Variants in ZDHHC21 observed in about 807,000 individuals in gnomAD.
ZDHHC21 encodes the protein zDHHC palmitoyltransferase 21.
ZDHHC21 carries 15 observed loss-of-function variants against 34.6 expected under a neutral mutation model. The observed-to-expected ratio is 0.43, with a 90% CI of 0.29 to 0.67. The LOEUF is 0.67. ZDHHC21 is among the 30% of genes least tolerant of loss of function. The pLI is 0.14. For missense variants in ZDHHC21, 344 were observed against 327.7 expected, an observed-to-expected ratio of 1.05 and a Z score of -0.38; for synonymous variants, 142 against 101.8, an observed-to-expected ratio of 1.40 and a Z score of -2.38.
downstream of ZDHHC21, among the ~76,000 whole-genome samples, chr9:14,608,168 A>G (rs1823078802): frequency 6.6e-6 from 1 of 152,196 alleles, no homozygotes; most frequent in South Asian, 2.1e-4. Context: ...AAGCTTACAC[A>G]AGTTATAAAA....
At chr9:14,652,984 TACAGCTTTTGC>T (rs1193566197) in intron 7 of ZDHHC21, among the ~76,000 whole-genome samples, 1 of 152,014 alleles carries the variant, frequency 6.6e-6, no homozygotes, top group East Asian at 1.9e-4. Context: ...AAATGCAGAC[TACAGCTTTTGC>T]TTCAGTCTGG....
At chr9:14,658,034 C>A (rs1832586843) in intron 7 of ZDHHC21, among the ~76,000 whole-genome samples, 1 of 152,118 alleles carries the variant, frequency 6.6e-6, no homozygotes, top group Admixed American at 6.5e-5. Flanking sequence ...CCTGCAAATT[C>A]ATGATATCAT....
chr9:14,691,463 C>G (rs140415168), intron 1 of ZDHHC21, among the ~76,000 whole-genome samples: 1 of 152,116 alleles, frequency 6.6e-6, no homozygotes, highest in African/African-American at 2.4e-5. Context: ...GGTTCTGAAT[C>G]GGTCATTACG....
At chr9:14,676,257 G>A (rs1351068602) in intron 3 of ZDHHC21, among the ~76,000 whole-genome samples, 3 of 151,924 alleles carry the variant, frequency 2.0e-5, no homozygotes, top group African/African-American at 7.2e-5. Context: ...TTAGATATTA[G>A]GGGTTACAGG....
intron 5 of ZDHHC21, among the ~76,000 whole-genome samples, chr9:14,669,468 A>G (rs1360346984): frequency 6.6e-6 from 1 of 150,558 alleles, no homozygotes; most frequent in African/African-American, 2.5e-5. Flanking sequence ...ATCTAGAACT[A>G]GAAATACCAT....
chr9:14,662,827 T>A (rs1322228374), intron 5 of ZDHHC21, among the ~76,000 whole-genome samples: 1 of 152,206 alleles, frequency 6.6e-6, no homozygotes, highest in Non-Finnish European at 1.5e-5. Context: ...ACATACACTT[T>A]CCCTAAATCA....
At chr9:14,660,623 TCTC>T (rs1833218117) in intron 6 of ZDHHC21, among the ~76,000 whole-genome samples, 1 of 152,150 alleles carries the variant, frequency 6.6e-6, no homozygotes, top group Non-Finnish European at 1.5e-5. Flanking sequence ...CCTTGTCTAC[TCTC>T]CTTTCTGATC....
chr9:14,663,825 A>T (rs1420535556), intron 5 of ZDHHC21, among the ~76,000 whole-genome samples: 1 of 152,216 alleles, frequency 6.6e-6, no homozygotes, highest in Non-Finnish European at 1.5e-5. Flanking sequence ...ATCATGCAAG[A>T]GCAACAGTAC....
chr9:14,657,131 A>G (rs1459922998), intron 7 of ZDHHC21, among the ~76,000 whole-genome samples: 1 of 151,992 alleles, frequency 6.6e-6, no homozygotes, highest in Non-Finnish European at 1.5e-5. Context: ...GTAATTTCAA[A>G]CGTCTTAATA....
intron 8 of ZDHHC21, among the ~76,000 whole-genome samples, chr9:14,625,425 T>C (rs935831576): frequency 6.6e-6 from 1 of 152,048 alleles, no homozygotes; most frequent in Non-Finnish European, 1.5e-5. Flanking sequence ...TTATAGACAC[T>C]GAAAATCTCT....
chr9:14,639,017 G>GA (rs1184540515), intron 8 of ZDHHC21, among the ~76,000 whole-genome samples: 3 of 151,234 alleles, frequency 2.0e-5, no homozygotes, highest in Non-Finnish European at 3.0e-5. Context: ...TTATCCAAAG[G>GA]AAAAAAAACA....
At chr9:14,627,723 T>C (rs1826538935) in intron 8 of ZDHHC21, among the ~76,000 whole-genome samples, 2 of 152,178 alleles carry the variant, frequency 1.3e-5, no homozygotes, top group African/African-American at 2.4e-5. Context: ...CAGAATGCGC[T>C]GTACCAGCTG....
At position 14,612,475 on chromosome 9, in the gene ZDHHC21, T is replaced by C. The variant is rs1464089031; in HGVS notation, c.*6491A>G. ...AGCATTACATTTGGACAATTACATT[T>C]CAAAGGTGTTTTAAATTACGAGTAC... On this transcript the variant is annotated 3_prime_UTR_variant, in exon 10 of 10. Transcript: ENST00000380916. The C allele has an allele frequency of 6.6e-6, 1 of 151,980 alleles. No homozygotes were observed. The highest frequency in any genetic ancestry group is 1.5e-5 in the Non-Finnish European group (1 of 67,918). 9.4% of individuals were successfully genotyped at this position (151,980 alleles called of 1,614,324 possible).
intron 7 of ZDHHC21, among the ~76,000 whole-genome samples, chr9:14,654,755 T>C (rs143627110): frequency 2.0e-5 from 3 of 152,162 alleles, no homozygotes; most frequent in African/African-American, 4.8e-5. Context: ...AGGTTAGACA[T>C]GGCAGAAGAG....
At chr9:14,600,767 T>C in the ZDHHC21 span, among the ~76,000 whole-genome samples, 4 of 152,162 alleles carry the variant, frequency 2.6e-5, no homozygotes, top group African/African-American at 9.7e-5. Flanking sequence ...AAGGCTACAG[T>C]AACCAAAACA....
At chr9:14,657,387 A>G (rs1489183853) in intron 7 of ZDHHC21, among the ~76,000 whole-genome samples, 1 of 152,160 alleles carries the variant, frequency 6.6e-6, no homozygotes, top group Admixed American at 6.5e-5. Flanking sequence ...GAAGAAAATT[A>G]CCATTCAGAG....
intron 2 of ZDHHC21, among the ~76,000 whole-genome samples, chr9:14,689,609 G>A (rs974949816): frequency 6.6e-6 from 1 of 152,108 alleles, no homozygotes; most frequent in African/African-American, 2.4e-5. Context: ...GACTGTATTA[G>A]TAGTACTACA....
Position 14,674,190 on chromosome 9 carries a change from T to C in ZDHHC21, c.151A>G (p.Ile51Val), listed in dbSNP as rs761563952. The C allele has an allele frequency of 4.0e-6, 6 of 1,492,698 alleles. No homozygotes were observed. Among genetic ancestry groups the C allele is most frequent in the Non-Finnish European group, 8.9e-7 (1 of 1,126,668 alleles). 92.5% of individuals were successfully genotyped at this position (1,492,698 alleles called of 1,614,324 possible). Reference sequence around the variant, plus strand: ...AAATAAAGATCAAGAAACTTACTTATTATTAATATGCCTGGAATATGTCCT... The same window carrying C: ...AAATAAAGATCAAGAAACTTACTTACTATTAATATGCCTGGAATATGTCCT... ...EEGHIPGILIIIFYGISIFCL... is the reference protein window; with the variant it reads ...EEGHIPGILIVIFYGISIFCL... Residue 51 changes from isoleucine to valine, a missense_variant, in exon 4 of 10, where the codon ATA becomes GTA. Coordinates refer to ENST00000380916, the MANE Select transcript of ZDHHC21 (RefSeq NM_178566.6).
intron 7 of ZDHHC21, among the ~76,000 whole-genome samples, chr9:14,653,704 C>T (rs868152633): frequency 3.7e-4 from 56 of 152,114 alleles, no homozygotes; most frequent in African/African-American, 1.3e-3. Flanking sequence ...TGCACAACTC[C>T]ACAGGATACT....
Sources: gnomAD v4.1 joint callset for allele counts (sites outside exome capture counted in the v4.1 genomes callset) on GRCh38, gnomAD v4.1.1 for gene constraint, MANE v1.5 for transcripts, NCBI Gene and HGNC (gene_info 2026-07-23, HGNC 2026-07-21) for gene names.